The following DOCK3 variants were observed in gnomAD, a reference collection of about 807,000 sequenced individuals.
The protein encoded by DOCK3 is dedicator of cytokinesis protein 3.
A neutral mutation model predicts 265.6 loss-of-function variants in DOCK3; 60 were observed. The ratio of observed to expected loss-of-function variants is 0.23; its 90% CI spans 0.18 to 0.28. The LOEUF is 0.28. DOCK3 is among the 10% of genes least tolerant of loss of function. The probability of loss-of-function intolerance (pLI) is 1.00; values close to 1 mark genes in which losing one functional copy is unlikely to be tolerated. For synonymous variants in DOCK3, 881 were observed against 938.0 expected (o/e 0.94, Z 1.11); for missense variants, 1,981 against 2,594.3 (o/e 0.76, Z 5.14).
At chr3:50,958,722 A>C (rs926910918) in intron 5 of DOCK3, among the ~76,000 whole-genome samples, 1 of 152,220 alleles carries the variant, frequency 6.6e-6, no homozygotes, top group Non-Finnish European at 1.5e-5. Context: ...GCTGGGCTAC[A>C]ACAGTAAATA....
chr3:50,969,733 CT>C (rs1455960804), intron 5 of DOCK3, among the ~76,000 whole-genome samples: 1 of 152,122 alleles, frequency 6.6e-6, no homozygotes, highest in Non-Finnish European at 1.5e-5. Context: ...CATGATGAAA[CT>C]TAGTTTAGCA....
intron 32 of DOCK3, among the ~76,000 whole-genome samples, chr3:51,315,707 G>T (rs547354550): frequency 6.6e-6 from 1 of 152,182 alleles, no homozygotes; most frequent in African/African-American, 2.4e-5. Context: ...AGGGGCTAAT[G>T]ATGAGGAAGC....
At chr3:51,169,745 TAA>T (rs879477606) in intron 12 of DOCK3, among the ~76,000 whole-genome samples, 2 of 141,110 alleles carry the variant, frequency 1.4e-5, no homozygotes. Context: ...AAATAAAAGT[TAA>T]AAAAAAAAAA....
chr3:50,754,558 CTT>C (rs541191723), intron 1 of DOCK3, among the ~76,000 whole-genome samples: 37 of 136,596 alleles, frequency 2.7e-4, no homozygotes, highest in Admixed American at 3.0e-4. Context: ...GTTTTAACAA[CTT>C]TTTTTTTTTT....
Position 51,275,272 on chromosome 3 carries a change from G to A in DOCK3, c.2676+66G>A, listed in dbSNP as rs530637977. ...CTAGTCTTGTGTTACTTTAGCCAGA[G>A]GCAGACCAACAAAGATCGCTTTGTA... is the stretch of plus-strand genomic sequence containing the variant. On this transcript the variant is annotated intron_variant, in intron 25 of 52. Transcript: ENST00000266037. 6.8e-5 allele frequency: 109 copies of A among 1,601,542 alleles called. 2 individuals carry two copies. The African/African-American group carries it at 1.4e-3, about 21-fold the overall frequency.
In DOCK3 at chr3:50,880,712, G is replaced by C. The variant is rs138560376; in HGVS notation, c.163-9314G>C. The C allele has an allele frequency of 6.6e-3, 1,009 of 152,350 alleles. 6 individuals are homozygous for C. Among genetic ancestry groups the C allele is most frequent in the African/African-American group, 0.023 (943 of 41,556 alleles). The allele number at this position is 152,350 out of a possible 1,614,324, so 9.4% of individuals were successfully genotyped here. On this transcript the variant is annotated intron_variant, in intron 3 of 52. Transcript: ENST00000266037. ...CGACCAGAAGTACAAAGAGGAGCTGGTACCATTCTTTCTGAAACTATTCCA... is the reference window on the plus strand; with the variant it reads ...CGACCAGAAGTACAAAGAGGAGCTGCTACCATTCTTTCTGAAACTATTCCA...
At chr3:51,070,786 C>A (rs1453055716) in intron 6 of DOCK3, among the ~76,000 whole-genome samples, 3 of 152,156 alleles carry the variant, frequency 2.0e-5, no homozygotes, top group Admixed American at 2.0e-4. Context: ...AGGAGGTGAG[C>A]TGCCGGTGAG....
At chr3:51,163,496 A>G (rs1277889100) in intron 12 of DOCK3, among the ~76,000 whole-genome samples, 2 of 152,064 alleles carry the variant, frequency 1.3e-5, no homozygotes, top group Non-Finnish European at 2.9e-5. Flanking sequence ...ATAAATAACC[A>G]TATGTACATT....
chr3:50,778,703 T>A lies in DOCK3; in HGVS notation c.66T>A (p.Pro22=). The change falls in exon 2 of 53, where the codon CCT becomes CCA. Residue 22 remains proline, a synonymous_variant. Coordinates refer to ENST00000266037, the MANE Select transcript of DOCK3 (RefSeq NM_004947.5). Reference sequence around the variant, plus strand: ...TATGCAGCTTTCGAGGATCTGTCCCTCAAGGGTTGGTCTTAGAAATAGGAG... The same window carrying A: ...TATGCAGCTTTCGAGGATCTGTCCCACAAGGGTTGGTCTTAGAAATAGGAG... ...VVICSFRGSV[P]QGLVLEIGET... is the part of the protein sequence containing the mutation. 6.3e-7 allele frequency: 1 copy of A among 1,589,424 alleles called. No individual in the cohort carries two copies. Among genetic ancestry groups the A allele is most frequent in the Non-Finnish European group, 8.6e-7 (1 of 1,166,908 alleles).
intron 35 of DOCK3, among the ~76,000 whole-genome samples, chr3:51,335,140 A>G (rs769256807): frequency 1.3e-5 from 2 of 152,076 alleles, no homozygotes; most frequent in Non-Finnish European, 2.9e-5. Flanking sequence ...TCCCATAAGC[A>G]TCCTCATTCT....
intron 2 of DOCK3, among the ~76,000 whole-genome samples, chr3:50,790,726 C>T (rs1354499975): frequency 6.6e-6 from 1 of 152,074 alleles, no homozygotes; most frequent in Non-Finnish European, 1.5e-5. Context: ...TTACTTGATG[C>T]TTTTGCCTCA....
Position 51,374,342 on chromosome 3 carries a change from C to A in DOCK3, c.5294-127C>A. 1.2e-6 allele frequency: 1 copy of A among 802,290 alleles called. No individual in the cohort carries two copies. The highest frequency in any genetic ancestry group is 1.6e-5 in the South Asian group (1 of 60,740). 49.7% of individuals were successfully genotyped at this position (802,290 alleles called of 1,614,324 possible). A position where few individuals can be genotyped will look rare whatever the true frequency, so the allele number is the denominator to read the frequency against. On this transcript the variant is annotated intron_variant, in intron 49 of 52. Transcript: ENST00000266037. The surrounding 1 kb of genome is among the most constrained non-coding windows in gnomAD (Gnocchi z 4.8). ...CTCTGCTTCATTCCTCCTGTGCTTG[C>A]TGAGTTCATCCTCACCCTAACTGTA...
intron 3 of DOCK3, among the ~76,000 whole-genome samples, chr3:50,861,005 C>T (rs1003793169): frequency 1.3e-5 from 2 of 152,190 alleles, no homozygotes; most frequent in African/African-American, 4.8e-5. Flanking sequence ...GGCTGCTCTG[C>T]CGAGACTCTA....
chr3:51,075,126 T>G (rs1399503706), intron 6 of DOCK3, among the ~76,000 whole-genome samples: 1 of 152,194 alleles, frequency 6.6e-6, no homozygotes, highest in Non-Finnish European at 1.5e-5. Flanking sequence ...GAAACCTTTT[T>G]ACCATCATGA....
At chr3:51,150,343 C>T (rs1395929013) in intron 10 of DOCK3, among the ~76,000 whole-genome samples, 2 of 152,110 alleles carry the variant, frequency 1.3e-5, no homozygotes, top group Admixed American at 1.3e-4. Flanking sequence ...TCTTTCAGTT[C>T]TGCTCTGATC....
intron 5 of DOCK3, among the ~76,000 whole-genome samples, chr3:51,002,262 T>C (rs1209566295): frequency 1.3e-5 from 2 of 152,238 alleles, no homozygotes; most frequent in Non-Finnish European, 2.9e-5. Flanking sequence ...TTTTCCTTTG[T>C]ATATCCTCTC....
chr3:51,261,564 C>T (rs1360414064), intron 23 of DOCK3, among the ~76,000 whole-genome samples: 4 of 152,134 alleles, frequency 2.6e-5, no homozygotes, highest in Non-Finnish European at 5.9e-5. Context: ...CGAGACAGAA[C>T]CGTTCACTCC....
At chr3:50,907,714 G>A (rs539433958) in intron 4 of DOCK3, among the ~76,000 whole-genome samples, 2 of 152,064 alleles carry the variant, frequency 1.3e-5, no homozygotes, top group Non-Finnish European at 2.9e-5. Flanking sequence ...CAATTTGCCA[G>A]TCTGTGCCTT....
chr3:50,963,054 A>G (rs1242942045), intron 5 of DOCK3, among the ~76,000 whole-genome samples: 1 of 152,074 alleles, frequency 6.6e-6, no homozygotes, highest in Non-Finnish European at 1.5e-5. Flanking sequence ...GTGTGGTGGC[A>G]CACACCTGTA....
Sources: allele counts gnomAD v4.1 joint callset (sites outside exome capture counted in the v4.1 genomes callset), GRCh38; gene constraint gnomAD v4.1.1; non-coding constraint Gnocchi (gnomAD v3.1); transcripts MANE v1.5; gene names NCBI Gene and HGNC (gene_info 2026-07-23, HGNC 2026-07-21).